The following TBC1D8 variants were observed in gnomAD, a reference collection of about 807,000 sequenced individuals.
The protein encoded by TBC1D8 is TBC1 domain family member 8.
A neutral mutation model predicts 118.8 loss-of-function variants in TBC1D8; 65 were observed. The ratio of observed to expected loss-of-function variants is 0.55; its 90% CI spans 0.45 to 0.67. The LOEUF is 0.67. Ranked by LOEUF, TBC1D8 falls within the 30% of genes least tolerant of loss-of-function variation. The probability of loss-of-function intolerance (pLI) is 0.00; values close to 1 mark genes in which losing one functional copy is unlikely to be tolerated. For synonymous variants in TBC1D8, 566 were observed against 595.8 expected (o/e 0.95, Z 0.73); for missense variants, 1,376 against 1,471.2 (o/e 0.94, Z 1.06).
chr2:101,121,319 G>A (rs1419337131), intron 1 of TBC1D8, among the ~76,000 whole-genome samples: 5 of 152,082 alleles, frequency 3.3e-5, no homozygotes, highest in Admixed American at 6.5e-5. Flanking sequence ...CATATGACAC[G>A]TGCCAGGGAC....
chr2:101,092,949 G>C (rs535503024), intron 1 of TBC1D8, among the ~76,000 whole-genome samples: 3 of 152,050 alleles, frequency 2.0e-5, no homozygotes, highest in African/African-American at 7.3e-5. Context: ...AACTGTATGG[G>C]TCCACCAACA....
chr2:101,036,256 C>T, intron 8 of TBC1D8, 88 bp from the exon 9 acceptor site: 1 of 1,494,386 alleles, frequency 6.7e-7, no homozygotes, highest in Non-Finnish European at 9.2e-7. Flanking sequence ...GGAGGAAGTA[C>T]TGCCCCTGCT....
rs1473367242 is a variant in TBC1D8 at position 101,008,291 on chromosome 2, C to CTT, written c.3016-20_3016-19dup. The CTT allele has an allele frequency of 6.7e-7, 1 of 1,499,060 alleles. No individual in the cohort carries two copies. The highest frequency in any genetic ancestry group is 8.9e-7 in the Non-Finnish European group (1 of 1,127,162). The allele number at this position is 1,499,060 out of a possible 1,614,324, so 92.9% of individuals were successfully genotyped here. On this transcript the variant is annotated intron_variant, in intron 19 of 19. Transcript: ENST00000409318. ...AATTCTCTCTGAAATTGAAATAAGT[C>CTT]TTAGGTAGCAGCAGAACCAGGGTGG...
At chr2:101,107,294 G>A (rs1273558416) in intron 1 of TBC1D8, among the ~76,000 whole-genome samples, 1 of 152,156 alleles carries the variant, frequency 6.6e-6, no homozygotes, top group African/African-American at 2.4e-5. Context: ...ACTGGGCTAA[G>A]AGATACCCCA....
At chr2:101,115,364 C>T (rs1280386175) in intron 1 of TBC1D8, among the ~76,000 whole-genome samples, 5 of 152,158 alleles carry the variant, frequency 3.3e-5, no homozygotes, top group Admixed American at 6.5e-5. Context: ...GACTCATGGA[C>T]GTCTCTTTAT....
intron 1 of TBC1D8, among the ~76,000 whole-genome samples, chr2:101,103,255 C>A (rs1461656176): frequency 2.7e-5 from 4 of 149,794 alleles, no homozygotes; most frequent in Non-Finnish European, 5.9e-5. Flanking sequence ...GAAGAAAAAA[C>A]CATATGATCA....
At chr2:101,028,523 C>T in intron 12 of TBC1D8, 91 bp from the exon 13 acceptor site, 8 of 1,466,544 alleles carry the variant, frequency 5.5e-6, no homozygotes, top group Non-Finnish European at 7.2e-6. Flanking sequence ...TGCCAGGGCA[C>T]TTCCAAACAC....
Position 101,032,279 on chromosome 2 carries a change from T to G in TBC1D8, c.1925A>C (p.His642Pro). The change falls in exon 11 of 20, where the codon CAC (histidine) becomes CCC (proline). Residue 642 changes from histidine (H) to proline (P), a missense_variant. By Grantham distance (77) the His-to-Pro change is moderately conservative (BLOSUM62 -2). Transcript: ENST00000409318. ...GGGGGTCTGTTTACCGATCACTCGGTGGTTGAAGTAATCGGGCAGCATCCG... is the reference window on the plus strand; with the variant it reads ...GGGGGTCTGTTTACCGATCACTCGGGGGTTGAAGTAATCGGGCAGCATCCG... ...CERMLPDYFNHRVIGAQVDQS... is the reference protein window; with the variant it reads ...CERMLPDYFNPRVIGAQVDQS... The G allele has an allele frequency of 6.2e-7, 1 of 1,613,744 alleles. No individual in the cohort carries two copies. The highest frequency in any genetic ancestry group is 8.5e-7 in the Non-Finnish European group (1 of 1,179,758).
At chr2:101,070,043 G>A (rs1167787694) in intron 2 of TBC1D8, among the ~76,000 whole-genome samples, 1 of 151,576 alleles carries the variant, frequency 6.6e-6, no homozygotes, top group African/African-American at 2.4e-5. Context: ...AGTTTCCTGA[G>A]TAGCTGGGAT....
At chr2:101,020,977 T>C (rs1216701575) in intron 17 of TBC1D8, among the ~76,000 whole-genome samples, 1 of 152,112 alleles carries the variant, frequency 6.6e-6, no homozygotes, top group Non-Finnish European at 1.5e-5. Context: ...TCTTGGGACA[T>C]ATGCCCAGTG....
In TBC1D8 at chr2:101,028,321, C is replaced by T. The variant is rs775867436; in HGVS notation, c.2334G>A (p.Leu778=). 2 of 1,612,666 alleles carry T rather than the reference C, an allele frequency of 1.2e-6. No homozygotes were observed. Among genetic ancestry groups the T allele is most frequent in the East Asian group, 2.2e-5 (1 of 44,866 alleles). The change falls in exon 13 of 20, where the codon CTG becomes CTA. Residue 778 remains leucine, a synonymous_variant. Coordinates refer to ENST00000409318, the MANE Select transcript of TBC1D8 (RefSeq NM_001330348.2). ...CCGTTACCTCATAGGAATCCCGGAT[C>T]AGGTCCGAAATATCAGTCACAGGGT... is the stretch of plus-strand genomic sequence containing the variant. ...EPYPVTDISD[L]IRDSYEKFGD...
intron 1 of TBC1D8, among the ~76,000 whole-genome samples, chr2:101,100,025 G>A (rs1312140246): frequency 6.6e-6 from 1 of 152,144 alleles, no homozygotes; most frequent in Non-Finnish European, 1.5e-5. Context: ...AATCAGACAA[G>A]AGAAAGAAAT....
At chr2:101,124,272 C>T (rs1159290063) in intron 1 of TBC1D8, among the ~76,000 whole-genome samples, 1 of 152,170 alleles carries the variant, frequency 6.6e-6, no homozygotes, top group Non-Finnish European at 1.5e-5. Flanking sequence ...TTTCTGTACA[C>T]ACATGTATAA....
Position 101,050,647 on chromosome 2 carries a change from A to G in TBC1D8, c.632-6T>C. On this transcript the variant is annotated splice_polypyrimidine_tract_variant and splice_region_variant and intron_variant, in intron 4 of 19. Coordinates refer to ENST00000409318, the MANE Select transcript of TBC1D8 (RefSeq NM_001330348.2). ...CCACGGAACCACAAGTTTAACTGTA[A>G]GAGAAAAGGGTGAAATACCTATTAT... 4.3e-6 allele frequency: 7 copies of G among 1,612,510 alleles called. No homozygotes were observed. Among genetic ancestry groups the G allele is most frequent in the Non-Finnish European group, 5.9e-6 (7 of 1,179,380 alleles).
rs75280593 is a variant in TBC1D8 at position 101,087,302 on chromosome 2, G to C, written c.283+2907C>G. On this transcript the variant is annotated intron_variant, in intron 2 of 19. Transcript: ENST00000409318. ...CAGAAAATAGGACACTGACATTATG[G>C]AGGGAAAAAAACAGGAGTCCAGCCA... Among the ~76,000 whole-genome samples, 1,191 of 152,028 alleles carry C rather than the reference G, an allele frequency of 7.8e-3. 19 individuals carry two copies. Among genetic ancestry groups the C allele is most frequent in the African/African-American group, 0.027 (1,118 of 41,458 alleles).
At chr2:101,138,949 C>A (rs1678979858) in intron 1 of TBC1D8, among the ~76,000 whole-genome samples, 1 of 152,162 alleles carries the variant, frequency 6.6e-6, no homozygotes, top group African/African-American at 2.4e-5. Context: ...AGAGTCACCT[C>A]ATTAGAACAA....
At chr2:101,080,766 G>A (rs1675211542) in intron 2 of TBC1D8, among the ~76,000 whole-genome samples, 1 of 151,604 alleles carries the variant, frequency 6.6e-6, no homozygotes, top group Non-Finnish European at 1.5e-5. Flanking sequence ...AAACTGGAAA[G>A]CCCAACTCTT....
intron 1 of TBC1D8, among the ~76,000 whole-genome samples, chr2:101,148,664 T>G (rs1679420490): frequency 6.6e-6 from 1 of 152,210 alleles, no homozygotes; most frequent in South Asian, 2.1e-4. Flanking sequence ...AAACTCCTAC[T>G]AATACAAATT....
At chr2:101,087,643 C>CAA (rs34582477) in intron 2 of TBC1D8, among the ~76,000 whole-genome samples, 4,857 of 104,766 alleles carry the variant, frequency 0.046, 213 homozygotes, top group African/African-American at 0.11. Context: ...GACTCTGTCT[C>CAA]AAAAAAAAAA....
Sources: gnomAD v4.1 joint callset for allele counts (sites outside exome capture counted in the v4.1 genomes callset) on GRCh38, gnomAD v4.1.1 for gene constraint, MANE v1.5 for transcripts, NCBI Gene and HGNC (gene_info 2026-07-23, HGNC 2026-07-21) for gene names.